FAM185A: variants seen among roughly 807,000 people sequenced by gnomAD.
FAM185A encodes the protein protein FAM185A.
FAM185A carries 21 observed loss-of-function variants against 45.7 expected under a neutral mutation model. That is an observed-to-expected ratio of 0.46 (90% CI 0.33 to 0.66). The LOEUF (loss-of-function observed/expected upper bound fraction) is 0.66, where lower values mean the gene tolerates loss of function less well. Ranked by LOEUF, FAM185A falls within the 30% of genes least tolerant of loss-of-function variation. The pLI is 0.03. For missense variants in FAM185A, 305 were observed against 485.4 expected, an observed-to-expected ratio of 0.63 and a Z score of 3.49; for synonymous variants, 117 against 194.0, an observed-to-expected ratio of 0.60 and a Z score of 3.30.
chr7:102,834,086 A>AAAGAAAG, the FAM185A span, among the ~76,000 whole-genome samples: 10 of 93,682 alleles, frequency 1.1e-4, no homozygotes, highest in East Asian at 3.9e-4. Context: ...GGAAGGAAAG[A>AAAGAAAG]AAAGAAAGAA....
the FAM185A span, among the ~76,000 whole-genome samples, chr7:102,824,517 G>A: frequency 1.3e-5 from 2 of 148,768 alleles, no homozygotes; most frequent in South Asian, 4.3e-4. Flanking sequence ...TTTTTATTTT[G>A]CTCTGTTGCA....
intron 5 of FAM185A, among the ~76,000 whole-genome samples, chr7:102,774,685 GA>G (rs1794949123): frequency 6.6e-6 from 1 of 152,084 alleles, no homozygotes; most frequent in Non-Finnish European, 1.5e-5. Flanking sequence ...CACATTTCCT[GA>G]ATTTATTGAA....
At chr7:102,821,619 C>T in the FAM185A span, among the ~76,000 whole-genome samples, 60 of 152,306 alleles carry the variant, frequency 3.9e-4, no homozygotes. Context: ...TCATTTTAAG[C>T]ATTTCATATG....
At chr7:102,844,403 C>G in the FAM185A span, among the ~76,000 whole-genome samples, 1 of 152,138 alleles carries the variant, frequency 6.6e-6, no homozygotes, top group African/African-American at 2.4e-5. Context: ...ATACATCCTT[C>G]AAATTACTTG....
intron 7 of FAM185A, among the ~76,000 whole-genome samples, chr7:102,790,656 T>C (rs1796088407): frequency 6.6e-6 from 1 of 152,256 alleles, no homozygotes; most frequent in South Asian, 2.1e-4. Context: ...AATTTAGATT[T>C]AGTTTTAAAA....
In FAM185A at chr7:102,808,619, T is replaced by C; in HGVS notation, c.*217T>C. 2 of 514,402 alleles carry C rather than the reference T, an allele frequency of 3.9e-6. No homozygotes were observed. The highest frequency in any genetic ancestry group is 4.6e-5 in the South Asian group (2 of 43,402). 31.9% of individuals were successfully genotyped at this position (514,402 alleles called of 1,614,324 possible). A position where few individuals can be genotyped will look rare whatever the true frequency, so the allele number is the denominator to read the frequency against. ...TTACCACAAATTTAGCAGCATAAAA[T>C]AATACTCATTTACAGCTATGTCTAG... is the stretch of plus-strand genomic sequence containing the variant. On this transcript the variant is annotated 3_prime_UTR_variant, in exon 8 of 8. Coordinates refer to ENST00000413034, the MANE Select transcript of FAM185A (RefSeq NM_001145268.2).
chr7:102,775,181 A>G (rs1794983389), intron 5 of FAM185A, among the ~76,000 whole-genome samples: 1 of 152,204 alleles, frequency 6.6e-6, no homozygotes, highest in African/African-American at 2.4e-5. Context: ...TTTTATGTGT[A>G]TGATGAAAAT....
chr7:102,822,924 T>G, the FAM185A span, among the ~76,000 whole-genome samples: 6 of 152,220 alleles, frequency 3.9e-5, no homozygotes, highest in East Asian at 1.2e-3. Context: ...TAGCTGGGCA[T>G]GGTGGCACGT....
At chr7:102,821,136 CAG>C in the FAM185A span, among the ~76,000 whole-genome samples, 1 of 152,172 alleles carries the variant, frequency 6.6e-6, no homozygotes, top group Non-Finnish European at 1.5e-5. Context: ...ACAAGTTTGG[CAG>C]AGACTCCTAG....
chr7:102,770,603 C>A (rs1427971088), intron 4 of FAM185A, among the ~76,000 whole-genome samples: 2 of 152,132 alleles, frequency 1.3e-5, no homozygotes, highest in Admixed American at 6.6e-5. Flanking sequence ...ACATGAAAAA[C>A]TGTTCCAAAT....
intron 4 of FAM185A, among the ~76,000 whole-genome samples, chr7:102,764,789 TAAGC>T (rs1411034194): frequency 6.6e-6 from 1 of 151,832 alleles, no homozygotes; most frequent in Admixed American, 6.6e-5. Flanking sequence ...TCTTTTTTCT[TAAGC>T]AAGGCTTAAA....
At chr7:102,846,584 C>A in the FAM185A span, among the ~76,000 whole-genome samples, 4 of 133,246 alleles carry the variant, frequency 3.0e-5, no homozygotes, top group Non-Finnish European at 6.2e-5. Context: ...CCACTGCATA[C>A]AAGCCTGGGC....
intron 2 of FAM185A, chr7:102,755,569 C>T (rs1793660426): frequency 6.4e-6 from 4 of 629,348 alleles, no homozygotes; most frequent in Admixed American, 4.6e-5. Context: ...AACACCATCA[C>T]CACCTTTGTG....
At chr7:102,798,443 C>T (rs2537392) in intron 7 of FAM185A, among the ~76,000 whole-genome samples, 7 of 152,170 alleles carry the variant, frequency 4.6e-5, no homozygotes, top group African/African-American at 1.7e-4. Flanking sequence ...TGAGTATTGT[C>T]TCTAAGCTGA....
intron 5 of FAM185A, among the ~76,000 whole-genome samples, chr7:102,773,899 T>C (rs1462071623): frequency 1.3e-5 from 2 of 152,170 alleles, no homozygotes; most frequent in African/African-American, 4.8e-5. Flanking sequence ...CACAATATCA[T>C]GATTACTGTA....
chr7:102,775,764 T>C (rs1044467450), intron 5 of FAM185A, among the ~76,000 whole-genome samples: 2 of 152,170 alleles, frequency 1.3e-5, no homozygotes, highest in African/African-American at 4.8e-5. Flanking sequence ...CACTTTTCTT[T>C]TTTTTAGCAT....
Position 102,762,850 on chromosome 7 carries a change from T to TG in FAM185A, c.793+1439_793+1440insG, listed in dbSNP as rs201905793. Among the ~76,000 whole-genome samples, 469 of 142,924 alleles carry TG rather than the reference T, an allele frequency of 3.3e-3. 9 individuals carry two copies. The highest frequency in any genetic ancestry group is 0.015 in the Admixed American group (206 of 13,616). The allele number at this position is 142,924 out of a possible 152,430, so 93.8% of individuals were successfully genotyped here. A position where few individuals can be genotyped will look rare whatever the true frequency, so the allele number is the denominator to read the frequency against. On this transcript the variant is annotated intron_variant, in intron 4 of 7. Coordinates refer to ENST00000413034, the MANE Select transcript of FAM185A (RefSeq NM_001145268.2). ...TGGTTTTGTTACTTATTCATTTATTTATTTTTTATTCAGTTGTACCTTAAG... is the reference window on the plus strand; with the variant it reads ...TGGTTTTGTTACTTATTCATTTATTTGATTTTTTATTCAGTTGTACCTTAAG...
downstream of FAM185A, chr7:102,813,410 ATGT>A (rs1178168928): frequency 1.9e-6 from 3 of 1,613,962 alleles, no homozygotes; most frequent in African/African-American, 2.7e-5. Context: ...CCTTTAGATG[ATGT>A]TATGTTGTCA....
chr7:102,815,223 C>G, the FAM185A span, among the ~76,000 whole-genome samples: 1 of 152,234 alleles, frequency 6.6e-6, no homozygotes, highest in Non-Finnish European at 1.5e-5. Flanking sequence ...CTCCTCTAAA[C>G]ATCTACAGGA....
Sources: allele counts gnomAD v4.1 joint callset (sites outside exome capture counted in the v4.1 genomes callset), GRCh38; gene constraint gnomAD v4.1.1; transcripts MANE v1.5; gene names NCBI Gene and HGNC (gene_info 2026-07-23, HGNC 2026-07-21).